GPATCH2L: variants seen among roughly 807,000 people sequenced by gnomAD.
GPATCH2L encodes the protein G patch domain-containing protein 2-like.
GPATCH2L carries 31 observed loss-of-function variants against 57.4 expected under a neutral mutation model. The ratio of observed to expected loss-of-function variants is 0.54; its 90% confidence interval spans 0.41 to 0.73. The LOEUF (loss-of-function observed/expected upper bound fraction) is 0.73, where lower values mean the gene tolerates loss of function less well. GPATCH2L is among the 30% of genes least tolerant of loss of function. The probability of loss-of-function intolerance (pLI) is 0.00; values close to 1 mark genes in which losing one functional copy is unlikely to be tolerated. For missense variants in GPATCH2L, 481 were observed against 599.9 expected, an observed-to-expected ratio of 0.80 and a Z score of 2.07; for synonymous variants, 199 against 210.7, an observed-to-expected ratio of 0.94 and a Z score of 0.48.
intron 9 of GPATCH2L, among the ~76,000 whole-genome samples, chr14:76,200,502 G>A (rs2040284162): frequency 6.6e-6 from 1 of 152,118 alleles, no homozygotes; most frequent in Non-Finnish European, 1.5e-5. Flanking sequence ...GAGAGAAAAA[G>A]AGAGAGATTT....
intron 2 of GPATCH2L, among the ~76,000 whole-genome samples, chr14:76,165,375 C>G (rs904058004): frequency 6.6e-6 from 1 of 151,538 alleles, no homozygotes; most frequent in Non-Finnish European, 1.5e-5. Context: ...GCCTGTAATC[C>G]CAGCTACTTG....
chr14:76,234,572 A>G (rs940482998), intron 2 of GPATCH2L: 2 of 152,260 alleles, frequency 1.3e-5, no homozygotes, highest in African/African-American at 2.4e-5. Flanking sequence ...CCCAAGTGGC[A>G]AGGAACTGTC....
At chr14:76,156,179 A>G (rs2038297683) in intron 2 of GPATCH2L, among the ~76,000 whole-genome samples, 1 of 152,234 alleles carries the variant, frequency 6.6e-6, no homozygotes, top group Non-Finnish European at 1.5e-5. Flanking sequence ...TCCAAAGCTC[A>G]TTCTTAACCA....
In GPATCH2L at chr14:76,154,096, GT is replaced by G; in HGVS notation, c.-10-253del. 1 of 344,342 alleles carries G rather than the reference GT, an allele frequency of 2.9e-6. No individual in the cohort carries two copies. The highest frequency in any genetic ancestry group is 5.3e-6 in the Non-Finnish European group (1 of 189,276). The allele number at this position is 344,342 out of a possible 1,614,324, so 21.3% of individuals were successfully genotyped here. A position where few individuals can be genotyped will look rare whatever the true frequency, so the allele number is the denominator to read the frequency against. ...GTCCCAGTTGTCTTCTGGTTAGTAG[GT>G]TTTTGTGCTTAAGAATATGTTGACT... On this transcript the variant is annotated intron_variant, in intron 1 of 9. Transcript: ENST00000261530. The surrounding 1 kb of genome is among the most constrained non-coding windows in gnomAD (Gnocchi z 4.4).
rs987793137 is a variant in GPATCH2L, at chr14:76,206,378, T to C, written c.*4527T>C. The C allele has an allele frequency of 2.0e-4, 30 of 152,222 alleles. No individual in the cohort carries two copies. Among genetic ancestry groups the C allele is most frequent in the African/African-American group, 6.7e-4 (28 of 41,544 alleles). The allele number at this position is 152,222 out of a possible 1,614,324, so 9.4% of individuals were successfully genotyped here. ...CAAAAAGAAGGAAGATGAGAAGTAT[T>C]GTTGAAGAGTATGGACCTACAGGGT... On this transcript the variant is annotated 3_prime_UTR_variant, in exon 10 of 10. Coordinates refer to ENST00000261530, the MANE Select transcript of GPATCH2L (RefSeq NM_017926.4).
At chr14:76,193,245 T>G (rs1787195869) in intron 8 of GPATCH2L, among the ~76,000 whole-genome samples, 1 of 152,090 alleles carries the variant, frequency 6.6e-6, no homozygotes, top group African/African-American at 2.4e-5. Flanking sequence ...AATGACACTG[T>G]CATTCCTCGA....
At chr14:76,232,828 C>T (rs945392707) in intron 2 of GPATCH2L, among the ~76,000 whole-genome samples, 3 of 152,334 alleles carry the variant, frequency 2.0e-5, no homozygotes, top group South Asian at 2.1e-4. Flanking sequence ...GAAGCTCACT[C>T]GAGCCTTGGC....
rs1312824224 is a variant in GPATCH2L, at chr14:76,202,342, T to C, written c.*491T>C. 1 of 152,752 alleles carries C rather than the reference T, an allele frequency of 6.5e-6. No individual in the cohort carries two copies. The highest frequency in any genetic ancestry group is 2.4e-5 in the African/African-American group (1 of 41,456). 9.5% of individuals were successfully genotyped at this position (152,752 alleles called of 1,614,324 possible). A position where few individuals can be genotyped will look rare whatever the true frequency, so the allele number is the denominator to read the frequency against. On this transcript the variant is annotated 3_prime_UTR_variant, in exon 10 of 10. Transcript: ENST00000261530. ...GGCTTGCCTTTGAGCCTACTCTTGA[T>C]TCATGCAGAGTGCCAATAAGATAAA...
chr14:76,154,691 T>G lies in GPATCH2L; in HGVS notation c.328T>G (p.Ser110Ala), dbSNP rs2038215768. ...TGCCATTGTCAAGAGTAAGCAACAT[T>G]CTTGGCATGAATCTGACTCCTTTAC... ...LNAIVKSKQH[S>A]WHESDSFTEN... The change falls in exon 2 of 10, where the codon TCT (serine) becomes GCT (alanine). Residue 110 changes from serine to alanine, a missense_variant. Ser to Ala is a moderately conservative substitution (Grantham distance 99). Coordinates refer to ENST00000261530, the MANE Select transcript of GPATCH2L (RefSeq NM_017926.4). This position sits in a 1 kb window ranked among gnomAD's most constrained non-coding sequence, Gnocchi z 4.4. 1 of 1,614,024 alleles carries G rather than the reference T, an allele frequency of 6.2e-7. No homozygotes were observed. The highest frequency in any genetic ancestry group is 1.7e-5 in the Admixed American group (1 of 60,004).
chr14:76,226,853 TTC>T (rs2040538460), intron 1 of GPATCH2L, among the ~76,000 whole-genome samples: 1 of 152,070 alleles, frequency 6.6e-6, no homozygotes, highest in South Asian at 2.1e-4. Flanking sequence ...ACTAAGAGAG[TTC>T]TGTTTGTAAA....
At chr14:76,186,325 AT>A (rs1189398951) in intron 8 of GPATCH2L, among the ~76,000 whole-genome samples, 1 of 152,088 alleles carries the variant, frequency 6.6e-6, no homozygotes, top group Admixed American at 6.5e-5. Flanking sequence ...TTTGTAATTC[AT>A]TTTATCTGTT....
chr14:76,164,850 G>T (rs2038756427), intron 2 of GPATCH2L, among the ~76,000 whole-genome samples: 1 of 152,164 alleles, frequency 6.6e-6, no homozygotes, highest in Admixed American at 6.5e-5. Flanking sequence ...TGATTCCTAT[G>T]ATAATATACT....
chr14:76,197,663 T>C (rs1164755101), intron 9 of GPATCH2L, among the ~76,000 whole-genome samples: 1 of 152,124 alleles, frequency 6.6e-6, no homozygotes, highest in Non-Finnish European at 1.5e-5. Flanking sequence ...TCCACCTCTT[T>C]TATAGGAATG....
downstream of GPATCH2L, among the ~76,000 whole-genome samples, chr14:76,216,123 C>G (rs1365643511): frequency 4.0e-5 from 6 of 151,248 alleles, no homozygotes; most frequent in Non-Finnish European, 5.9e-5. Context: ...AGTGGGGACC[C>G]TCCAAGTGCT....
intron 2 of GPATCH2L, among the ~76,000 whole-genome samples, chr14:76,162,898 G>T (rs916122566): frequency 6.6e-6 from 1 of 152,122 alleles, no homozygotes; most frequent in African/African-American, 2.4e-5. Context: ...TGCTGATAAG[G>T]GATAGTAGTC....
At chr14:76,219,559 G>T (rs111789385) in intron 1 of GPATCH2L, among the ~76,000 whole-genome samples, 1 of 152,108 alleles carries the variant, frequency 6.6e-6, no homozygotes, top group South Asian at 2.1e-4. Context: ...AGATACAATT[G>T]TATCTATACA....
rs941137754 is a variant in GPATCH2L at position 76,203,733 on chromosome 14, C to T, written c.*1882C>T. The stretch of plus-strand genomic sequence containing the variant: ...ATGTAATGTCTGTTGAATATAAAAT[C>T]GTACCACTGAATTGTTCTAGTGATG... On this transcript the variant is annotated 3_prime_UTR_variant, in exon 10 of 10. Transcript: ENST00000261530. The T allele has an allele frequency of 1.3e-5, 2 of 152,256 alleles. No homozygotes were observed. The highest frequency in any genetic ancestry group is 2.9e-5 in the Non-Finnish European group (2 of 68,060). 9.4% of individuals were successfully genotyped at this position (152,256 alleles called of 1,614,324 possible).
chr14:76,187,852 A>G (rs1011222226), intron 8 of GPATCH2L, among the ~76,000 whole-genome samples: 4 of 151,962 alleles, frequency 2.6e-5, no homozygotes, highest in Non-Finnish European at 4.4e-5. Flanking sequence ...AACCATCCAC[A>G]TTCCCCACCA....
intron 2 of GPATCH2L, among the ~76,000 whole-genome samples, chr14:76,234,131 G>A (rs1228504502): frequency 6.6e-6 from 1 of 152,058 alleles, no homozygotes; most frequent in Non-Finnish European, 1.5e-5. Context: ...AAATAAATTA[G>A]GATCCAAATG....
Sources: allele counts gnomAD v4.1 joint callset (sites outside exome capture counted in the v4.1 genomes callset), GRCh38; gene constraint gnomAD v4.1.1; non-coding constraint Gnocchi (gnomAD v3.1); transcripts MANE v1.5; gene names NCBI Gene and HGNC (gene_info 2026-07-23, HGNC 2026-07-21).